The following PLEKHS1 variants were observed in gnomAD, a reference collection of about 807,000 sequenced individuals.
The protein encoded by PLEKHS1 is pleckstrin homology domain containing S1.
PLEKHS1 carries 55 observed loss-of-function variants against 51.0 expected under a neutral mutation model. The observed-to-expected ratio is 1.08, with a 90% CI of 0.87 to 1.35. The LOEUF is 1.35. Among genes scored for constraint, PLEKHS1 ranks in the 40% most tolerant of loss-of-function variants. The pLI is 0.00. For missense variants in PLEKHS1, 398 were observed against 423.0 expected (o/e 0.94, Z 0.52); for synonymous variants, 153 against 144.8 (o/e 1.06, Z -0.41).
At chr10:113,770,055 CCACA>C in intron 7 of PLEKHS1, among the ~76,000 whole-genome samples, 155 bp downstream of exon 7, 1 of 152,206 alleles carries the variant, frequency 6.6e-6, no homozygotes, top group Non-Finnish European at 1.5e-5. Context: ...TTATCCCATA[CCACA>C]GATGAGCCTC....
chr10:113,778,044 T>G (rs1030143333), intron 11 of PLEKHS1: 2 of 213,232 alleles, frequency 9.4e-6, no homozygotes, highest in African/African-American at 4.6e-5. Flanking sequence ...GCACTAAGTA[T>G]GTTGTTTTTT....
intron 10 of PLEKHS1, among the ~76,000 whole-genome samples, 176 bp from the exon 11 acceptor site, chr10:113,775,589 C>T (rs901860641): frequency 5.3e-5 from 8 of 152,144 alleles, no homozygotes; most frequent in Admixed American, 1.3e-4. Context: ...CATCCGCTAC[C>T]ACATCCCAAG....
At chr10:113,759,257 A>G (rs758871664) in intron 2 of PLEKHS1, among the ~76,000 whole-genome samples, 1 of 152,168 alleles carries the variant, frequency 6.6e-6, no homozygotes, top group Non-Finnish European at 1.5e-5. Flanking sequence ...TACAAATATT[A>G]GCCAGGTGTG....
intron 2 of PLEKHS1, among the ~76,000 whole-genome samples, chr10:113,761,616 CTGT>C (rs1357714554): frequency 2.0e-5 from 3 of 151,886 alleles, no homozygotes; most frequent in African/African-American, 7.3e-5. Context: ...TAATTTTTGT[CTGT>C]TGTTCTTGAA....
At position 113,767,273 on chromosome 10, in the gene PLEKHS1, T is replaced by C. The variant is rs1844204914; in HGVS notation, c.225-72T>C. On this transcript the variant is annotated intron_variant, in intron 4 of 11. Coordinates refer to ENST00000361048, the Ensembl canonical transcript of PLEKHS1. ...CATCTAAAGTTTTATTCCATTTGAA[T>C]CCCAATATAAAATATTAGTTTTCTA... is the stretch of plus-strand genomic sequence containing the variant. The C allele has an allele frequency of 7.1e-6, 8 of 1,133,990 alleles. No individual in the cohort carries two copies. The Admixed American group carries it at 2.6e-4, about 37-fold the overall frequency. 70.2% of individuals were successfully genotyped at this position (1,133,990 alleles called of 1,614,324 possible). A position where few individuals can be genotyped will look rare whatever the true frequency, so the allele number is the denominator to read the frequency against.
exon 3 of PLEKHS1, chr10:113,766,484 G>A (rs1844167187): frequency 6.2e-7 from 1 of 1,603,406 alleles, no homozygotes; most frequent in South Asian, 1.1e-5. Context: ...CACCTTCTCA[G>A]CTGTTCTCCT....
At chr10:113,752,247 T>C (rs1853875688) in intron 1 of PLEKHS1, among the ~76,000 whole-genome samples, 1 of 152,216 alleles carries the variant, frequency 6.6e-6, no homozygotes, top group Non-Finnish European at 1.5e-5. Context: ...CATTTCCTCG[T>C]CTGTAAATGG....
intron 7 of PLEKHS1, among the ~76,000 whole-genome samples, chr10:113,770,167 C>T (rs977633142): frequency 6.6e-6 from 1 of 152,108 alleles, no homozygotes; most frequent in African/African-American, 2.4e-5. Context: ...TTTGCTAAAC[C>T]AAAACCTAGC....
At chr10:113,763,551 C>A (rs564506793) in intron 2 of PLEKHS1, among the ~76,000 whole-genome samples, 2 of 152,018 alleles carry the variant, frequency 1.3e-5, no homozygotes, top group Admixed American at 6.6e-5. Context: ...TTGGAATAAT[C>A]GAATTTTTTA....
exon 9 of PLEKHS1, chr10:113,774,274 T>C (rs1366493705): frequency 1.2e-6 from 2 of 1,602,704 alleles, no homozygotes; most frequent in Non-Finnish European, 1.7e-6. Flanking sequence ...CCATTGAAAC[T>C]GATGGTCCAG....
Position 113,769,901 on chromosome 10 carries a change from G to A in PLEKHS1, c.552+1G>A, listed in dbSNP as rs1844328756. ...ACCAAGAAATGGTCTCCAAGACAAG[G>A]TAATGGGGCTCACTTCTTTCTCAGG... On this transcript the variant is annotated splice_donor_variant, in intron 7 of 11. Transcript: ENST00000361048. LOFTEE classifies it high-confidence loss of function. The A allele has an allele frequency of 1.2e-6, 2 of 1,602,814 alleles. No homozygotes were observed. The highest frequency in any genetic ancestry group is 1.7e-4 in the Middle Eastern group (1 of 6,060).
intron 11 of PLEKHS1, chr10:113,777,624 G>T: frequency 6.5e-7 from 1 of 1,543,368 alleles, no homozygotes; most frequent in Non-Finnish European, 8.8e-7. Context: ...GGTGCTGGTT[G>T]TTGGATAATT....
exon 11 of PLEKHS1, chr10:113,775,865 T>C (rs1593043034): frequency 1.2e-6 from 2 of 1,600,598 alleles, no homozygotes; most frequent in South Asian, 1.1e-5. Flanking sequence ...AGGACGGATA[T>C]GGTAGGTTGG....
rs1255984043 is a variant in PLEKHS1, at chr10:113,766,723, G to A, written c.224+5G>A. 2 of 1,577,646 alleles carry A rather than the reference G, an allele frequency of 1.3e-6. No individual in the cohort carries two copies. The highest frequency in any genetic ancestry group is 1.7e-6 in the Non-Finnish European group (2 of 1,164,330). On this transcript the variant is annotated splice_donor_5th_base_variant and intron_variant, in intron 4 of 11. Coordinates refer to ENST00000361048, the Ensembl canonical transcript of PLEKHS1. ...AGGTTCCATTGAAATTGATCAGTGT[G>A]TATCCAAGCAGGAAAACTTTTATAA...
chr10:113,777,067 T>G, intron 11 of PLEKHS1, 57 bp from the exon 12 acceptor site: 1 of 1,597,464 alleles, frequency 6.3e-7, no homozygotes, highest in East Asian at 2.2e-5. Flanking sequence ...CTGCGTGCCC[T>G]GCCCTCCTGG....
At position 113,766,833 on chromosome 10, in the gene PLEKHS1, G is replaced by T. The variant is rs573115761; in HGVS notation, c.224+115G>T. On this transcript the variant is annotated intron_variant, in intron 4 of 11. Transcript: ENST00000361048. ...TGACCAAAGGAACCTGCTTCAAGCT[G>T]ATTATAATATTTGTGACTGAATAGG... 5.7e-5 allele frequency: 43 copies of T among 754,714 alleles called. No individual in the cohort carries two copies. In the East Asian group the frequency reaches 1.2e-3, roughly 21 times the overall value. 46.8% of individuals were successfully genotyped at this position (754,714 alleles called of 1,614,324 possible). A position where few individuals can be genotyped will look rare whatever the true frequency, so the allele number is the denominator to read the frequency against.
At chr10:113,780,006 A>G (rs1021047338) in intron 11 of PLEKHS1, among the ~76,000 whole-genome samples, 3 of 152,210 alleles carry the variant, frequency 2.0e-5, no homozygotes, top group Non-Finnish European at 2.9e-5. Flanking sequence ...AGAATATTGG[A>G]AAAGGGAGAT....
At chr10:113,783,256 T>C (rs537258662), downstream of PLEKHS1, 9 of 151,076 alleles carry the variant, frequency 6.0e-5, no homozygotes, top group Admixed American at 1.3e-4. Flanking sequence ...AAAAATCATG[T>C]GGGTATTGCT....
At chr10:113,756,596 G>A (rs1401643601) in intron 2 of PLEKHS1, among the ~76,000 whole-genome samples, 4 of 152,300 alleles carry the variant, frequency 2.6e-5, no homozygotes, top group African/African-American at 9.6e-5. Flanking sequence ...AAGCATGTAA[G>A]TAGTAATGAG....
Sources: gnomAD v4.1 joint callset for allele counts (sites outside exome capture counted in the v4.1 genomes callset) on GRCh38, gnomAD v4.1.1 for gene constraint, MANE v1.5 for transcripts, NCBI Gene and HGNC (gene_info 2026-07-23, HGNC 2026-07-21) for gene names.